Variants in EEA1 observed in about 807,000 individuals in gnomAD.
EEA1 encodes the protein early endosome antigen 1, 162kD.
In EEA1, 111 loss-of-function variants were observed where a neutral mutation model predicts 209.2. The observed-to-expected ratio is 0.53, with a 90% confidence interval of 0.45 to 0.62. The LOEUF (loss-of-function observed/expected upper bound fraction) is 0.62, where lower values mean the gene tolerates loss of function less well. Among genes scored for constraint, EEA1 ranks in the 20% least tolerant of loss-of-function variants. EEA1 has a pLI of 0.00. For missense variants in EEA1, 1,343 were observed against 1,530.8 expected (o/e 0.88, Z 2.05); for synonymous variants, 536 against 540.6 (o/e 0.99, Z 0.12).
intron 1 of EEA1, among the ~76,000 whole-genome samples, chr12:92,902,843 A>G (rs1880209443): frequency 6.6e-6 from 1 of 152,176 alleles, no homozygotes; most frequent in Admixed American, 6.5e-5. Flanking sequence ...TTCCAACCAA[A>G]GCATTATTTG....
At chr12:92,795,560 A>G (rs540286108) in intron 21 of EEA1, among the ~76,000 whole-genome samples, 2 of 152,236 alleles carry the variant, frequency 1.3e-5, no homozygotes, top group Non-Finnish European at 2.9e-5. Flanking sequence ...TTAACAGCCT[A>G]GATAAGAGAA....
chr12:92,778,274 T>C lies in EEA1; in HGVS notation c.3655-95A>G, dbSNP rs991374300. The C allele has an allele frequency of 8.6e-5, 82 of 949,306 alleles. 1 individual carries two copies. The highest frequency in any genetic ancestry group is 1.2e-4 in the Non-Finnish European group (79 of 633,320). The allele number at this position is 949,306 out of a possible 1,614,324, so 58.8% of individuals were successfully genotyped here. A position where few individuals can be genotyped will look rare whatever the true frequency, so the allele number is the denominator to read the frequency against. ...TACATTTAAAATACTGGCAATTTGCTTCTTCGGGAATGGAGGCAGGAGAAC... is the reference window on the plus strand; with the variant it reads ...TACATTTAAAATACTGGCAATTTGCCTCTTCGGGAATGGAGGCAGGAGAAC... On this transcript the variant is annotated intron_variant, in intron 25 of 28. Transcript: ENST00000322349.
rs1256376758 is a variant in EEA1, at chr12:92,814,141, A to T, written c.1930-1048T>A. Among the ~76,000 whole-genome samples the T allele has an allele frequency of 5.3e-5, 8 of 152,338 alleles. No homozygotes were observed. The East Asian group carries it at 1.5e-3, about 29-fold the overall frequency. ...ATTCTTTTAGCTGGTTGAAGAGAGG[A>T]TCAATGAACATAAGAAATCTAAGAT... is the stretch of plus-strand genomic sequence containing the variant. On this transcript the variant is annotated intron_variant, in intron 15 of 28. Transcript: ENST00000322349.
chr12:92,797,187 A>G (rs1173228288), intron 21 of EEA1, among the ~76,000 whole-genome samples: 1 of 152,220 alleles, frequency 6.6e-6, no homozygotes, highest in Non-Finnish European at 1.5e-5. Flanking sequence ...TCTGGGGTTC[A>G]AGCGAGTCTC....
intron 2 of EEA1, among the ~76,000 whole-genome samples, chr12:92,889,948 A>G (rs1189196371): frequency 6.6e-6 from 1 of 152,062 alleles, no homozygotes; most frequent in African/African-American, 2.4e-5. Context: ...TACACAAAAT[A>G]CTAATCAAAA....
rs937904271 is a variant in EEA1, at chr12:92,816,764, C to T, written c.1729-364G>A. ...CAGAATGTTTCCTCATGCCCTTCTG[C>T]AGTCATTCCTCCCATCCCATCTCTA... On this transcript the variant is annotated intron_variant, in intron 14 of 28. Transcript: ENST00000322349. Among the ~76,000 whole-genome samples, 14 of 152,156 alleles carry T rather than the reference C, an allele frequency of 9.2e-5. 1 individual carries two copies. Among genetic ancestry groups the T allele is most frequent in the Non-Finnish European group, 1.6e-4 (11 of 68,028 alleles).
At chr12:92,871,783 T>C (rs1266121583) in intron 2 of EEA1, among the ~76,000 whole-genome samples, 1 of 152,232 alleles carries the variant, frequency 6.6e-6, no homozygotes, top group Non-Finnish European at 1.5e-5. Flanking sequence ...TTGCTTCAGT[T>C]AGAATATTAT....
intron 11 of EEA1, among the ~76,000 whole-genome samples, chr12:92,831,317 ATTAAG>A (rs891966641): frequency 6.1e-4 from 93 of 151,878 alleles, no homozygotes; most frequent in African/African-American, 2.1e-3. Context: ...GTATTAAAAA[ATTAAG>A]TTAATGGCAA....
chr12:92,842,583 TAACAA>T lies in EEA1; in HGVS notation c.799-7_799-3del, dbSNP rs202146082. 2,190 of 1,543,926 alleles carry T rather than the reference TAACAA, an allele frequency of 1.4e-3. 34 individuals carry two copies. The African/African-American group carries it at 0.024, about 17-fold the overall frequency. ...ACTCCTTAGCTGGCTTATTGTGGCC[TAACAA>T]AACAAAACAAAACAAAAATTAAAGC... On this transcript the variant is annotated splice_region_variant and splice_polypyrimidine_tract_variant and intron_variant, in intron 9 of 28. Transcript: ENST00000322349.
chr12:92,782,065 T>C lies in EEA1; in HGVS notation c.3221A>G (p.Asn1074Ser), dbSNP rs1179757666. ...AGTCTTCAGTTCTTGAATCAATTTA[T>C]TTTGATTTCCAATTTGATTTCTGTT... ...ISNRNQIGNQ[N>S]KLIQELKTAK... is the part of the protein sequence containing the mutation. Residue 1074 changes from asparagine to serine, a missense_variant, in exon 23 of 29, where the codon AAT becomes AGT. Physicochemically the swap from Asn to Ser is conservative, Grantham distance 46. Coordinates refer to ENST00000322349, the MANE Select transcript of EEA1 (RefSeq NM_003566.4). 8.1e-6 allele frequency: 13 copies of C among 1,612,680 alleles called. No homozygotes were observed. In the Admixed American group the frequency reaches 1.2e-4, roughly 14 times the overall value.
chr12:92,899,833 T>C (rs1439243104), intron 1 of EEA1, among the ~76,000 whole-genome samples: 1 of 152,188 alleles, frequency 6.6e-6, no homozygotes, highest in Non-Finnish European at 1.5e-5. Flanking sequence ...GATCTAGCTT[T>C]CTTTTCTGGA....
At chr12:92,810,536 T>A (rs1281435618) in intron 17 of EEA1, among the ~76,000 whole-genome samples, 1 of 152,116 alleles carries the variant, frequency 6.6e-6, no homozygotes. Context: ...TATGTACATA[T>A]ATTCATTTCA....
intron 1 of EEA1, among the ~76,000 whole-genome samples, chr12:92,924,040 G>A (rs2136791261): frequency 6.6e-6 from 1 of 152,148 alleles, no homozygotes; most frequent in East Asian, 1.9e-4. Context: ...GAGCCCAGGA[G>A]GCAGGGGCTG....
intron 18 of EEA1, among the ~76,000 whole-genome samples, chr12:92,806,838 C>T (rs940865333): frequency 6.6e-6 from 1 of 151,980 alleles, no homozygotes; most frequent in Admixed American, 6.6e-5. Context: ...TGTAACTGAC[C>T]ATATTAACAG....
rs753972822 is a variant in EEA1 at position 92,777,655 on chromosome 12, T to C, written c.3902A>G (p.Lys1301Arg). 121 of 1,611,220 alleles carry C rather than the reference T, an allele frequency of 7.5e-5. No individual in the cohort carries two copies. The highest frequency in any genetic ancestry group is 1.0e-4 in the Non-Finnish European group (119 of 1,178,522). Residue 1301 changes from lysine to arginine, a missense_variant, in exon 27 of 29, where the codon AAA (lysine) becomes AGA (arginine). Lys to Arg is a conservative substitution (Grantham distance 26). Coordinates refer to ENST00000322349, the MANE Select transcript of EEA1 (RefSeq NM_003566.4). ...AAGCTTTTCTATTTCACCTTCTCCT[T>C]TAAGACATCTGGAATAGATTGCAAA... ...ERRALLERCL[K>R]GEGEIEKLQT...
chr12:92,815,713 T>C (rs1875747577), intron 15 of EEA1, among the ~76,000 whole-genome samples: 2 of 151,402 alleles, frequency 1.3e-5, no homozygotes, highest in South Asian at 2.1e-4. Flanking sequence ...GTAAGGGAAT[T>C]TTTTTTTTAA....
intron 11 of EEA1, among the ~76,000 whole-genome samples, chr12:92,829,682 G>A (rs1312573057): frequency 2.0e-5 from 3 of 151,090 alleles, no homozygotes; most frequent in Non-Finnish European, 4.4e-5. Context: ...AGGAGGCTGA[G>A]GCACGAGAAT....
chr12:92,832,739 C>T lies in EEA1; in HGVS notation c.1027G>A (p.Asp343Asn), dbSNP rs543534956. 15 of 1,613,970 alleles carry T rather than the reference C, an allele frequency of 9.3e-6. No homozygotes were observed. The South Asian group carries it at 1.5e-4, about 17-fold the overall frequency. The change falls in exon 11 of 29, where the codon GAC (aspartate) becomes AAC (asparagine). Residue 343 changes from aspartate to asparagine, a missense_variant. Asp to Asn is a conservative substitution (Grantham distance 23). Transcript: ENST00000322349. ...KNIQATLHQK[D>N]LDCQQLQSRL... ...GACTGAAGCTGTTGACAATCTAGGTCTTTTTGATGAAGGGTTGCCTGAATA... is the reference window on the plus strand; with the variant it reads ...GACTGAAGCTGTTGACAATCTAGGTTTTTTTGATGAAGGGTTGCCTGAATA...
At chr12:92,873,590 C>G (rs991434994) in intron 2 of EEA1, among the ~76,000 whole-genome samples, 3 of 152,100 alleles carry the variant, frequency 2.0e-5, no homozygotes, top group Non-Finnish European at 4.4e-5. Flanking sequence ...TTATCAAAGT[C>G]ACTTAGAATA....
Sources: allele counts gnomAD v4.1 joint callset (sites outside exome capture counted in the v4.1 genomes callset), GRCh38; gene constraint gnomAD v4.1.1; transcripts MANE v1.5; gene names NCBI Gene and HGNC (gene_info 2026-07-23, HGNC 2026-07-21).